SLC25A21: variants seen among roughly 807,000 people sequenced by gnomAD.
SLC25A21 encodes the protein solute carrier family 25 member 21, also known as mitochondrial 2-oxodicarboxylate carrier.
SLC25A21 carries 47 observed loss-of-function variants against 43.8 expected under a neutral mutation model. The ratio of observed to expected loss-of-function variants is 1.07; its 90% CI spans 0.85 to 1.37. SLC25A21 has a LOEUF of 1.37. Among genes scored for constraint, SLC25A21 ranks in the 40% most tolerant of loss-of-function variants. The pLI, the probability that SLC25A21 is intolerant of heterozygous loss-of-function variation, is 0.00. For synonymous variants in SLC25A21, 131 were observed against 121.3 expected (o/e 1.08, Z -0.52); for missense variants, 352 against 350.2 (o/e 1.00, Z -0.04).
At chr14:36,945,574 G>A (rs1008294369) in intron 1 of SLC25A21, among the ~76,000 whole-genome samples, 2 of 152,172 alleles carry the variant, frequency 1.3e-5, no homozygotes, top group Admixed American at 6.6e-5. Flanking sequence ...ATGAATAAAC[G>A]TTGAGGACAT....
intron 1 of SLC25A21, among the ~76,000 whole-genome samples, chr14:37,085,142 C>T (rs1348694758): frequency 6.6e-6 from 1 of 151,990 alleles, no homozygotes; most frequent in Admixed American, 6.6e-5. Flanking sequence ...ACAAGAAATG[C>T]CACTGTTGCT....
chr14:36,692,645 A>C (rs1882839846), intron 7 of SLC25A21, among the ~76,000 whole-genome samples: 2 of 152,178 alleles, frequency 1.3e-5, no homozygotes, highest in South Asian at 4.1e-4. Context: ...TCACCCAGCG[A>C]TATGCCAGAA....
chr14:36,695,193 T>C (rs1273346249), intron 7 of SLC25A21, among the ~76,000 whole-genome samples: 6 of 152,206 alleles, frequency 3.9e-5, no homozygotes, highest in Admixed American at 3.9e-4. Flanking sequence ...CTTGTTTTTG[T>C]CAGGTTTGTC....
chr14:36,818,680 TCA>T (rs1888532649), intron 2 of SLC25A21, among the ~76,000 whole-genome samples: 1 of 152,242 alleles, frequency 6.6e-6, no homozygotes, highest in Non-Finnish European at 1.5e-5. Flanking sequence ...CTTATTCTGA[TCA>T]CAGAGTTATC....
chr14:37,015,206 A>G (rs1217282411), intron 1 of SLC25A21, among the ~76,000 whole-genome samples: 1 of 83,956 alleles, frequency 1.2e-5, no homozygotes, highest in Non-Finnish European at 2.2e-5. Flanking sequence ...CCCACCCCAC[A>G]ACAGTCCCCA....
intron 3 of SLC25A21, among the ~76,000 whole-genome samples, chr14:36,775,553 C>T (rs567198733): frequency 1.3e-5 from 2 of 152,272 alleles, no homozygotes; most frequent in South Asian, 4.1e-4. Flanking sequence ...TCTTTCATTG[C>T]TAAAGTCCCT....
intron 1 of SLC25A21, among the ~76,000 whole-genome samples, chr14:37,013,629 A>C (rs943772919): frequency 2.6e-5 from 4 of 152,156 alleles, no homozygotes; most frequent in Non-Finnish European, 5.9e-5. Context: ...CTTTCATATA[A>C]AAGTACAACT....
chr14:36,937,071 A>T (rs1455604685), intron 1 of SLC25A21, among the ~76,000 whole-genome samples: 1 of 152,176 alleles, frequency 6.6e-6, no homozygotes, highest in African/African-American at 2.4e-5. Flanking sequence ...TATTTGCTTC[A>T]TTTCAGGGCC....
intron 1 of SLC25A21, among the ~76,000 whole-genome samples, chr14:37,167,697 T>C (rs1466935046): frequency 1.3e-5 from 2 of 152,144 alleles, no homozygotes; most frequent in Admixed American, 6.5e-5. Context: ...AACATCACTA[T>C]TGTGAAGCCT....
intron 2 of SLC25A21, among the ~76,000 whole-genome samples, chr14:36,834,352 T>C (rs1191726707): frequency 6.6e-6 from 1 of 152,178 alleles, no homozygotes; most frequent in African/African-American, 2.4e-5. Context: ...TAAAAAGGCT[T>C]TGGAGTCAGA....
chr14:37,107,059 TA>T (rs2138871900), intron 1 of SLC25A21, among the ~76,000 whole-genome samples: 1 of 152,324 alleles, frequency 6.6e-6, no homozygotes, highest in South Asian at 2.1e-4. Context: ...CACCAAAATG[TA>T]ATGTTCTAAG....
intron 3 of SLC25A21, among the ~76,000 whole-genome samples, chr14:36,747,081 C>T (rs1406231345): frequency 6.6e-6 from 1 of 152,130 alleles, no homozygotes; most frequent in Non-Finnish European, 1.5e-5. Flanking sequence ...CCAGACATGA[C>T]TCAGTATCCA....
intron 3 of SLC25A21, among the ~76,000 whole-genome samples, chr14:36,764,664 C>G (rs1250710241): frequency 1.3e-5 from 2 of 151,546 alleles, no homozygotes; most frequent in South Asian, 2.1e-4. Context: ...ACACACATCC[C>G]TTCTCTGGCT....
intron 3 of SLC25A21, among the ~76,000 whole-genome samples, chr14:36,779,894 C>T (rs1050975772): frequency 6.6e-6 from 1 of 151,744 alleles, no homozygotes; most frequent in African/African-American, 2.4e-5. Flanking sequence ...AATGGTTGTA[C>T]CAATTTATAT....
chr14:37,005,226 C>T (rs1357104573), intron 1 of SLC25A21, among the ~76,000 whole-genome samples: 1 of 148,506 alleles, frequency 6.7e-6, no homozygotes, highest in Admixed American at 7.0e-5. Context: ...ACACACACCA[C>T]GATAAAAAGA....
At chr14:37,015,878 T>A (rs1220041946) in intron 1 of SLC25A21, among the ~76,000 whole-genome samples, 1 of 152,170 alleles carries the variant, frequency 6.6e-6, no homozygotes, top group Non-Finnish European at 1.5e-5. Context: ...CGCCCACTTG[T>A]TGATGGGGTT....
At chr14:36,906,827 C>A (rs1313538602) in intron 1 of SLC25A21, among the ~76,000 whole-genome samples, 2 of 152,172 alleles carry the variant, frequency 1.3e-5, no homozygotes, top group South Asian at 2.1e-4. Flanking sequence ...TTTCTATCAG[C>A]ATCAGGAAAA....
intron 3 of SLC25A21, among the ~76,000 whole-genome samples, chr14:36,795,629 T>C (rs1887644354): frequency 6.6e-6 from 1 of 152,206 alleles, no homozygotes; most frequent in Non-Finnish European, 1.5e-5. Flanking sequence ...GGGCTTTTTC[T>C]AATACTGGGG....
At chr14:37,095,496 C>T (rs371412196) in intron 1 of SLC25A21, among the ~76,000 whole-genome samples, 289 of 151,996 alleles carry the variant, frequency 1.9e-3, no homozygotes, top group African/African-American at 6.3e-3. Flanking sequence ...CTAACGTGGG[C>T]GACAGAGCAA....
Sources: allele counts gnomAD v4.1 joint callset (sites outside exome capture counted in the v4.1 genomes callset), GRCh38; gene constraint gnomAD v4.1.1; transcripts MANE v1.5; gene names NCBI Gene and HGNC (gene_info 2026-07-23, HGNC 2026-07-21).